Variants in ERCC6L2 observed in about 807,000 individuals in gnomAD.
The protein encoded by ERCC6L2 is DNA excision repair protein ERCC-6-like 2.
ERCC6L2 carries 77 observed loss-of-function variants against 132.0 expected under a neutral mutation model. The ratio of observed to expected loss-of-function variants is 0.58; its 90% CI spans 0.49 to 0.71. The LOEUF is 0.71. Ranked by LOEUF, ERCC6L2 falls within the 30% of genes least tolerant of loss-of-function variation. ERCC6L2 has a pLI of 0.00. For missense variants in ERCC6L2, 1,542 were observed against 1,837.6 expected, an observed-to-expected ratio of 0.84 and a Z score of 2.94; for synonymous variants, 583 against 632.4, an observed-to-expected ratio of 0.92 and a Z score of 1.17.
intron 12 of ERCC6L2, among the ~76,000 whole-genome samples, chr9:95,942,487 A>G (rs1354599780): frequency 6.6e-6 from 1 of 152,148 alleles, no homozygotes; most frequent in East Asian, 1.9e-4. Flanking sequence ...GTGACTCAGT[A>G]GAAGGTCTGG....
chr9:95,918,759 A>T (rs1829721421), intron 6 of ERCC6L2: 1 of 171,344 alleles, frequency 5.8e-6, no homozygotes, highest in Non-Finnish European at 1.2e-5. Flanking sequence ...ATCCATTCTC[A>T]TTGTGTTTTT....
rs1832372018 is a variant in ERCC6L2, at chr9:95,970,632, A to G, written c.2157A>G (p.Gly719=). ...CAGCCACAACATGGTTGAAAGAGGG[A>G]CCTCCAGCACACAAACTGGAAATGG... ...IMTATTWLKE[G]PPAHKLEMPR... Residue 719 remains glycine, a synonymous_variant, in exon 15 of 19, where the codon GGA becomes GGG. Transcript: ENST00000653738. 2 of 1,303,704 alleles carry G rather than the reference A, an allele frequency of 1.5e-6. No individual in the cohort carries two copies. Among genetic ancestry groups the G allele is most frequent in the East Asian group, 5.6e-5 (1 of 17,974 alleles). 80.8% of individuals were successfully genotyped at this position (1,303,704 alleles called of 1,614,324 possible). A position where few individuals can be genotyped will look rare whatever the true frequency, so the allele number is the denominator to read the frequency against.
chr9:96,034,401 C>T (rs1270582700), intron 19 of ERCC6L2, among the ~76,000 whole-genome samples: 3 of 152,240 alleles, frequency 2.0e-5, no homozygotes, highest in Admixed American at 6.5e-5. Context: ...AAGGAGCCCA[C>T]TTGCCTAAAG....
In ERCC6L2 at chr9:95,952,395, ATG is replaced by A. The variant is rs1564256111; in HGVS notation, c.1848-3518_1848-3517del. On this transcript the variant is annotated intron_variant, in intron 12 of 18. Coordinates refer to ENST00000653738, the MANE Select transcript of ERCC6L2 (RefSeq NM_020207.7). ...TGAATTTCAGCAGCATATTGAAAGG[ATG>A]ATACACAGAGTAGGATTTATTCCTG... 5.3e-5 allele frequency among the ~76,000 whole-genome samples: 8 copies of A among 152,290 alleles called. No homozygotes were observed. The East Asian group carries it at 1.5e-3, about 29-fold the overall frequency.
intron 20 of ERCC6L2, among the ~76,000 whole-genome samples, chr9:96,040,532 C>T (rs966647270): frequency 2.0e-4 from 31 of 152,226 alleles, no homozygotes; most frequent in East Asian, 7.7e-4. Context: ...ATATCTCCCC[C>T]GAAATCCTGG....
At chr9:96,039,841 T>G (rs980753515) in intron 20 of ERCC6L2, among the ~76,000 whole-genome samples, 1 of 152,002 alleles carries the variant, frequency 6.6e-6, no homozygotes, top group Non-Finnish European at 1.5e-5. Context: ...CAGGCTACAG[T>G]GGACAGGCAA....
chr9:95,924,295 GAAGGTAGGAATATA>G (rs984179759), intron 9 of ERCC6L2, among the ~76,000 whole-genome samples: 1 of 151,796 alleles, frequency 6.6e-6, no homozygotes, highest in African/African-American at 2.4e-5. Flanking sequence ...AAATAAAATA[GAAGGTAGGAATATA>G]CATACATACA....
chr9:96,013,223 C>T lies in ERCC6L2; in HGVS notation c.*20C>T. 7.5e-7 allele frequency: 1 copy of T among 1,330,758 alleles called. No homozygotes were observed. The allele number at this position is 1,330,758 out of a possible 1,614,324, so 82.4% of individuals were successfully genotyped here. Reference sequence around the variant, plus strand: ...ACATAAGCATATAAATGAATTACTGCACCAGTAAACTGCTGCCATCACTGT... The same window carrying T: ...ACATAAGCATATAAATGAATTACTGTACCAGTAAACTGCTGCCATCACTGT... On this transcript the variant is annotated 3_prime_UTR_variant, in exon 19 of 19. Coordinates refer to ENST00000653738, the MANE Select transcript of ERCC6L2 (RefSeq NM_020207.7).
intron 4 of ERCC6L2, among the ~76,000 whole-genome samples, chr9:95,914,878 C>T (rs1829507647): frequency 6.7e-6 from 1 of 148,678 alleles, no homozygotes; most frequent in African/African-American, 2.5e-5. Context: ...TTTTTTTTCC[C>T]ATTTTTTAAA....
chr9:95,883,662 C>T (rs1210940368), intron 2 of ERCC6L2, among the ~76,000 whole-genome samples: 1 of 152,154 alleles, frequency 6.6e-6, no homozygotes, highest in South Asian at 2.1e-4. Flanking sequence ...AGATCAAGAC[C>T]ATCCTGGCCA....
At chr9:95,961,994 ATCCC>A (rs1831925323) in intron 13 of ERCC6L2, among the ~76,000 whole-genome samples, 1 of 137,120 alleles carries the variant, frequency 7.3e-6, no homozygotes, top group Non-Finnish European at 1.6e-5. Context: ...CTCCCACTGG[ATCCC>A]TCCCACAACA....
At chr9:95,899,888 G>A (rs1828679437) in intron 3 of ERCC6L2, among the ~76,000 whole-genome samples, 1 of 152,060 alleles carries the variant, frequency 6.6e-6, no homozygotes, top group African/African-American at 2.4e-5. Flanking sequence ...ATAATGACAA[G>A]GTCTGCGTAC....
chr9:95,900,895 T>C (rs1286925548), intron 3 of ERCC6L2, among the ~76,000 whole-genome samples: 5 of 152,174 alleles, frequency 3.3e-5, no homozygotes, highest in Non-Finnish European at 5.9e-5. Flanking sequence ...TCATACCAAC[T>C]TTTTCTTAAC....
chr9:95,875,832 C>T lies in ERCC6L2; in HGVS notation c.-207C>T, dbSNP rs1210477294. ...CTCTGCCGCCGCTCCGGACGTCGCC[C>T]TCCCGTTCTGCTTGGGTCCCCTTAG... On this transcript the variant is annotated 5_prime_UTR_variant, in exon 1 of 19. Transcript: ENST00000653738. The T allele has an allele frequency of 5.1e-6, 3 of 585,020 alleles. No individual in the cohort carries two copies. 36.2% of individuals were successfully genotyped at this position (585,020 alleles called of 1,614,324 possible).
At chr9:96,032,733 C>T (rs1000847616) in intron 19 of ERCC6L2, among the ~76,000 whole-genome samples, 1 of 152,208 alleles carries the variant, frequency 6.6e-6, no homozygotes, top group African/African-American at 2.4e-5. Flanking sequence ...GGGCCTAGAA[C>T]GCAATGCTGG....
At chr9:96,003,256 T>G (rs902073623) in intron 17 of ERCC6L2, among the ~76,000 whole-genome samples, 1 of 152,216 alleles carries the variant, frequency 6.6e-6, no homozygotes, top group African/African-American at 2.4e-5. Flanking sequence ...CTGTTTTCAT[T>G]GGAATCAAAA....
At chr9:95,986,566 T>G (rs1341791881) in intron 17 of ERCC6L2, among the ~76,000 whole-genome samples, 2 of 150,888 alleles carry the variant, frequency 1.3e-5, no homozygotes, top group East Asian at 3.9e-4. Context: ...ATGTAGTCTC[T>G]GCTCACTGCA....
In ERCC6L2 at chr9:95,941,481, C is replaced by T. The variant is rs778042566; in HGVS notation, c.1779C>T (p.Val593=). The T allele has an allele frequency of 7.1e-5, 115 of 1,611,258 alleles. No homozygotes were observed. The highest frequency in any genetic ancestry group is 1.8e-4 in the Admixed American group (11 of 59,818). The part of the protein sequence containing the change: ...TMAGGLGLNF[V]GANVVVLFDP... ...CTGGTGGACTAGGCCTCAATTTTGT[C>T]GGTGCCAATGTTGTTGTATTATTTG... Residue 593 remains valine (V), a synonymous_variant, in exon 12 of 19, where the codon GTC becomes GTT. Transcript: ENST00000653738.
intron 9 of ERCC6L2, among the ~76,000 whole-genome samples, 168 bp from the exon 10 acceptor site, chr9:95,927,911 C>G (rs905795979): frequency 8.6e-5 from 13 of 151,954 alleles, no homozygotes; most frequent in African/African-American, 3.1e-4. Flanking sequence ...GATGTAATAG[C>G]TAATACTTTA....
Sources: allele counts gnomAD v4.1 joint callset (sites outside exome capture counted in the v4.1 genomes callset), GRCh38; gene constraint gnomAD v4.1.1; transcripts MANE v1.5; gene names NCBI Gene and HGNC (gene_info 2026-07-23, HGNC 2026-07-21).